PLEKHG4B: variants seen among roughly 807,000 people sequenced by gnomAD.
PLEKHG4B encodes pleckstrin homology and RhoGEF domain containing G4B.
In PLEKHG4B, 111 loss-of-function variants were observed where a neutral mutation model predicts 121.3. The ratio of observed to expected loss-of-function variants is 0.92; its 90% CI spans 0.78 to 1.07. PLEKHG4B has a LOEUF of 1.07. Among genes scored for constraint, PLEKHG4B ranks in the 50% least tolerant of loss-of-function variants. The pLI, the probability that PLEKHG4B is intolerant of heterozygous loss-of-function variation, is 0.00. For synonymous variants in PLEKHG4B, 738 were observed against 725.0 expected, an observed-to-expected ratio of 1.02 and a Z score of -0.29; for missense variants, 1,831 against 1,757.8, an observed-to-expected ratio of 1.04 and a Z score of -0.74.
intron 16 of PLEKHG4B, among the ~76,000 whole-genome samples, chr5:172,108 CA>C (rs1736575300): frequency 6.6e-6 from 1 of 152,242 alleles, no homozygotes; most frequent in Admixed American, 6.5e-5. Context: ...GGTGGGACCC[CA>C]CATGAGCTGG....
chr5:157,049 GGCATGCCTTGCT>G lies in PLEKHG4B; in HGVS notation c.2487+141_2487+152del. On this transcript the variant is annotated intron_variant, in intron 11 of 19. Transcript: ENST00000637938. The surrounding 1 kb of genome is among the most constrained non-coding windows in gnomAD (Gnocchi z 4.6). ...TTGGAATGAAATTATGTCAGGATAG[GGCATGCCTTGCT>G]GCTTGTGTAAAAAGAAATAAATTTT... The G allele has an allele frequency of 8.4e-7, 1 of 1,193,652 alleles. No individual in the cohort carries two copies. Among genetic ancestry groups the G allele is most frequent in the Non-Finnish European group, 1.2e-6 (1 of 825,190 alleles). The allele number at this position is 1,193,652 out of a possible 1,614,324, so 73.9% of individuals were successfully genotyped here.
chr5:126,544 A>G (rs1202207539), intron 2 of PLEKHG4B, among the ~76,000 whole-genome samples: 1 of 151,970 alleles, frequency 6.6e-6, no homozygotes, highest in Non-Finnish European at 1.5e-5. Context: ...TATTTTTTCC[A>G]TTGAATGGAA....
In PLEKHG4B at chr5:157,070, A is replaced by G. The variant is rs1735809092; in HGVS notation, c.2487+159A>G. 4.5e-5 allele frequency: 49 copies of G among 1,083,654 alleles called. No individual in the cohort carries two copies. The South Asian group carries it at 6.4e-4, about 14-fold the overall frequency. The allele number at this position is 1,083,654 out of a possible 1,614,324, so 67.1% of individuals were successfully genotyped here. ...ATAGGGCATGCCTTGCTGCTTGTGT[A>G]AAAAGAAATAAATTTTATTTTTTAC... On this transcript the variant is annotated intron_variant, in intron 11 of 19. Transcript: ENST00000637938. The surrounding 1 kb of genome is among the most constrained non-coding windows in gnomAD (Gnocchi z 4.6).
chr5:164,086 G>A (rs1736150812), intron 13 of PLEKHG4B, among the ~76,000 whole-genome samples: 1 of 152,258 alleles, frequency 6.6e-6, no homozygotes, highest in Non-Finnish European at 1.5e-5. Context: ...CACCCATGTG[G>A]TACTGGTCGT....
At chr5:128,844 A>G (rs779455811) in intron 2 of PLEKHG4B, among the ~76,000 whole-genome samples, 1 of 151,942 alleles carries the variant, frequency 6.6e-6, no homozygotes, top group Middle Eastern at 3.2e-3. Context: ...AACTGAACAG[A>G]CCCCCTCTCC....
At chr5:165,033 A>G (rs868776305) in intron 13 of PLEKHG4B, among the ~76,000 whole-genome samples, 13 of 65,444 alleles carry the variant, frequency 2.0e-4, no homozygotes, top group Admixed American at 3.1e-4. Context: ...GACAGGGCGG[A>G]GCTCACACTA....
chr5:159,223 C>T lies in PLEKHG4B; in HGVS notation c.2487+2312C>T, dbSNP rs927500143. Among the ~76,000 whole-genome samples the T allele has an allele frequency of 8.7e-5, 10 of 114,502 alleles. No homozygotes were observed. The South Asian group carries it at 2.1e-3, about 24-fold the overall frequency. 75.1% of individuals were successfully genotyped at this position (114,502 alleles called of 152,430 possible). On this transcript the variant is annotated intron_variant, in intron 11 of 19. Transcript: ENST00000637938. The surrounding 1 kb of genome is among the most constrained non-coding windows in gnomAD (Gnocchi z 5.5). Reference sequence around the variant, plus strand: ...GGGTGGCCCAGGTGTGCCTGAGGGTCGCCCAGGTGCACTGAGGGCAGGTGT... The same window carrying T: ...GGGTGGCCCAGGTGTGCCTGAGGGTTGCCCAGGTGCACTGAGGGCAGGTGT...
At position 140,729 on chromosome 5, in the gene PLEKHG4B, C is replaced by T; in HGVS notation, c.1477+13C>T. ...ACCAAAGAGGAAGGTAAATGCTCCC[C>T]ACGCCCTCCCCTGCGCACCCCCACA... On this transcript the variant is annotated intron_variant, in intron 3 of 19. Transcript: ENST00000637938. 1 of 1,541,716 alleles carries T rather than the reference C, an allele frequency of 6.5e-7. No individual in the cohort carries two copies. The highest frequency in any genetic ancestry group is 1.4e-5 in the African/African-American group (1 of 72,528).
rs1163625097 is a variant in PLEKHG4B at position 183,723 on chromosome 5, C to CAAGA, written c.*1401_*1404dup. On this transcript the variant is annotated 3_prime_UTR_variant, in exon 20 of 20. Coordinates refer to ENST00000637938, the MANE Select transcript of PLEKHG4B (RefSeq NM_052909.5). ...CTGCACTCCAGCCTGGGCGACAGAG[C>CAAGA]AAGACTCTGTCTCACAAAAAAGGTT... The CAAGA allele has an allele frequency of 6.6e-6, 1 of 152,148 alleles. No individual in the cohort carries two copies. The highest frequency in any genetic ancestry group is 1.5e-5 in the Non-Finnish European group (1 of 68,072). The allele number at this position is 152,148 out of a possible 1,614,324, so 9.4% of individuals were successfully genotyped here. A position where few individuals can be genotyped will look rare whatever the true frequency, so the allele number is the denominator to read the frequency against.
Position 144,899 on chromosome 5 carries a change from C to T in PLEKHG4B, c.1884C>T (p.Ser628=), listed in dbSNP as rs755945244. ...GGAGTCCAGCTGCCCCTGCCGTCTC[C>T]CAGGCCCTCTCAGGATTGCAGGTAC... ...ARRSPAAPAV[S]QALSGLQNNT... The change falls in exon 6 of 20, where the codon TCC becomes TCT. Residue 628 remains serine, a synonymous_variant. Transcript: ENST00000637938. The T allele has an allele frequency of 2.5e-6, 4 of 1,613,360 alleles. No individual in the cohort carries two copies. The highest frequency in any genetic ancestry group is 2.2e-5 in the East Asian group (1 of 44,878).
chr5:146,240 C>T (rs1735408689), intron 6 of PLEKHG4B, among the ~76,000 whole-genome samples: 1 of 124,554 alleles, frequency 8.0e-6, no homozygotes, highest in African/African-American at 3.2e-5. Context: ...CTTTCCACCC[C>T]CACAGTCGTT....
intron 2 of PLEKHG4B, among the ~76,000 whole-genome samples, chr5:134,664 G>A (rs1734895133): frequency 6.6e-6 from 1 of 151,626 alleles, no homozygotes; most frequent in African/African-American, 2.4e-5. Flanking sequence ...TACTCGGATG[G>A]CTGAGACACG....
intron 18 of PLEKHG4B, 63 bp from the exon 19 acceptor site, chr5:181,451 G>C: frequency 5.8e-6 from 9 of 1,542,338 alleles, no homozygotes; most frequent in Non-Finnish European, 8.0e-6. Flanking sequence ...GGTACCGGGC[G>C]TCTTTGGGGT....
At chr5:133,614 G>T (rs1340007596) in intron 2 of PLEKHG4B, among the ~76,000 whole-genome samples, 1 of 151,864 alleles carries the variant, frequency 6.6e-6, no homozygotes, top group African/African-American at 2.4e-5. Flanking sequence ...TGGCCATAAT[G>T]AAAAAATAAA....
chr5:98,478 A>G (rs1407018732), intron 1 of PLEKHG4B, among the ~76,000 whole-genome samples: 1 of 111,168 alleles, frequency 9.0e-6, no homozygotes. Context: ...CTCTGTCGCC[A>G]GGCTGGAGTG....
At chr5:178,675 T>C (rs1736838780) in intron 18 of PLEKHG4B, among the ~76,000 whole-genome samples, 1 of 152,246 alleles carries the variant, frequency 6.6e-6, no homozygotes, top group Admixed American at 6.5e-5. Flanking sequence ...AGAATTGCTA[T>C]ATCTTCCTAG....
intron 1 of PLEKHG4B, among the ~76,000 whole-genome samples, chr5:106,075 A>G (rs1733967170): frequency 6.6e-6 from 1 of 152,178 alleles, no homozygotes; most frequent in South Asian, 2.1e-4. Flanking sequence ...GAATGAACAA[A>G]CCCTTACTTC....
At chr5:168,583 T>C (rs1237701066) in intron 13 of PLEKHG4B, among the ~76,000 whole-genome samples, 1 of 152,188 alleles carries the variant, frequency 6.6e-6, no homozygotes, top group Non-Finnish European at 1.5e-5. Context: ...ATCTCACCGC[T>C]AGAATGAAAC....
At chr5:149,065 TAACTC>T (rs1232140768) in intron 6 of PLEKHG4B, among the ~76,000 whole-genome samples, 3 of 152,172 alleles carry the variant, frequency 2.0e-5, no homozygotes, top group Non-Finnish European at 2.9e-5. Flanking sequence ...TATAAAAAAT[TAACTC>T]AAATGGATCA....
Sources: allele counts gnomAD v4.1 joint callset (sites outside exome capture counted in the v4.1 genomes callset), GRCh38; gene constraint gnomAD v4.1.1; non-coding constraint Gnocchi (gnomAD v3.1); transcripts MANE v1.5; gene names NCBI Gene and HGNC (gene_info 2026-07-23, HGNC 2026-07-21).